The following SCML4 variants were observed in gnomAD, a reference collection of about 807,000 sequenced individuals.
SCML4 encodes sex comb on midleg-like protein 4.
In SCML4, 34 loss-of-function variants were observed where a neutral mutation model predicts 41.1. The observed-to-expected ratio is 0.83, with a 90% CI of 0.63 to 1.10. The LOEUF is 1.10. Among genes scored for constraint, SCML4 ranks in the 50% least tolerant of loss-of-function variants. SCML4 has a pLI of 0.00. For missense variants in SCML4, 522 were observed against 534.1 expected (o/e 0.98, Z 0.22); for synonymous variants, 214 against 220.9 (o/e 0.97, Z 0.28).
the SCML4 span, among the ~76,000 whole-genome samples, chr6:107,841,012 G>C: frequency 6.6e-6 from 1 of 152,032 alleles, no homozygotes. Context: ...TATGATTTTT[G>C]TGATGATATC....
At chr6:107,729,263 C>T (rs760663093) in intron 5 of SCML4, among the ~76,000 whole-genome samples, 3 of 152,252 alleles carry the variant, frequency 2.0e-5, no homozygotes, top group African/African-American at 7.2e-5. Flanking sequence ...CCTCTCAGGA[C>T]TCTAGGGGAG....
chr6:107,799,913 T>G (rs913266011), intron 1 of SCML4, among the ~76,000 whole-genome samples: 3 of 152,118 alleles, frequency 2.0e-5, no homozygotes, highest in Non-Finnish European at 2.9e-5. Context: ...ATAGTTGTTT[T>G]AAAGCCCATT....
At chr6:107,752,763 C>T (rs918009139) in intron 2 of SCML4, among the ~76,000 whole-genome samples, 1 of 152,048 alleles carries the variant, frequency 6.6e-6, no homozygotes, top group Non-Finnish European at 1.5e-5. Context: ...TAAATCTTTG[C>T]CCTCGTGGAA....
chr6:107,845,846 C>A, the SCML4 span, among the ~76,000 whole-genome samples: 1 of 152,220 alleles, frequency 6.6e-6, no homozygotes, highest in Non-Finnish European at 1.5e-5. Flanking sequence ...ATGCTGGGCC[C>A]TTGTTTCTTT....
chr6:107,761,468 GCT>G (rs1779587908), intron 2 of SCML4, among the ~76,000 whole-genome samples: 1 of 148,886 alleles, frequency 6.7e-6, no homozygotes. Flanking sequence ...ACAGAGTCTT[GCT>G]CTGTCACCCG....
At chr6:107,707,170 G>A (rs1485408177) in intron 7 of SCML4, among the ~76,000 whole-genome samples, 2 of 150,170 alleles carry the variant, frequency 1.3e-5, no homozygotes, top group East Asian at 4.0e-4. Flanking sequence ...GCGTGGTGGT[G>A]GGTGCCTGTA....
intron 2 of SCML4, among the ~76,000 whole-genome samples, chr6:107,770,983 AAGAG>A (rs1348727525): frequency 6.6e-6 from 1 of 152,200 alleles, no homozygotes; most frequent in Non-Finnish European, 1.5e-5. Context: ...ACGCCAGCTT[AAGAG>A]AGAGTTCTAA....
At chr6:107,826,803 C>T (rs1228666562), upstream of SCML4, among the ~76,000 whole-genome samples, 1 of 152,198 alleles carries the variant, frequency 6.6e-6, no homozygotes, top group Non-Finnish European at 1.5e-5. Context: ...GTGGCTCACG[C>T]CTGTAATCCC....
At chr6:107,774,856 T>A (rs982184778) in intron 1 of SCML4, among the ~76,000 whole-genome samples, 5 of 151,880 alleles carry the variant, frequency 3.3e-5, no homozygotes, top group African/African-American at 1.2e-4. Flanking sequence ...ACCCCGTCTC[T>A]ACTAAAAACA....
At chr6:107,752,420 A>C (rs1778772507) in intron 2 of SCML4, among the ~76,000 whole-genome samples, 1 of 152,114 alleles carries the variant, frequency 6.6e-6, no homozygotes, top group South Asian at 2.1e-4. Context: ...GGTATGTCAG[A>C]CCATAATAAT....
At chr6:107,833,866 G>A in the SCML4 span, among the ~76,000 whole-genome samples, 1 of 152,206 alleles carries the variant, frequency 6.6e-6, no homozygotes, top group Non-Finnish European at 1.5e-5. Flanking sequence ...ACCCCGTTGT[G>A]CTTCAGCTCC....
intron 5 of SCML4, among the ~76,000 whole-genome samples, chr6:107,727,090 C>T (rs1776059910): frequency 6.6e-6 from 1 of 152,158 alleles, no homozygotes; most frequent in African/African-American, 2.4e-5. Context: ...GAATGAAGTA[C>T]TGATATCTGT....
At chr6:107,759,985 C>A (rs896679485) in intron 2 of SCML4, among the ~76,000 whole-genome samples, 1 of 152,174 alleles carries the variant, frequency 6.6e-6, no homozygotes, top group African/African-American at 2.4e-5. Flanking sequence ...ACTCACTCAG[C>A]TCCTCTAAGC....
chr6:107,766,949 AT>A (rs35794596), intron 2 of SCML4, among the ~76,000 whole-genome samples: 1,458 of 136,304 alleles, frequency 0.011, 6 homozygotes, highest in Middle Eastern at 0.02. Flanking sequence ...CTATTAAGCT[AT>A]TTTTTTTTTT....
intron 4 of SCML4, chr6:107,746,423 A>G: frequency 2.3e-6 from 1 of 431,706 alleles, no homozygotes; most frequent in Non-Finnish European, 4.1e-6. Flanking sequence ...AAAAAAAGCA[A>G]AAACCGGTGA....
intron 1 of SCML4, among the ~76,000 whole-genome samples, chr6:107,778,800 C>G (rs578218071): frequency 6.6e-6 from 1 of 152,356 alleles, no homozygotes; most frequent in Admixed American, 6.5e-5. Context: ...TTTACTCATT[C>G]ATTTACTAAT....
At chr6:107,777,524 T>A (rs549618818) in intron 1 of SCML4, among the ~76,000 whole-genome samples, 1 of 152,350 alleles carries the variant, frequency 6.6e-6, no homozygotes, top group South Asian at 2.1e-4. Context: ...AAATTTTTGC[T>A]TCCTGGAATG....
the SCML4 span, among the ~76,000 whole-genome samples, chr6:107,831,003 A>C: frequency 6.6e-6 from 1 of 152,188 alleles, no homozygotes; most frequent in Non-Finnish European, 1.5e-5. Context: ...AGAATTAGCA[A>C]ATGTGAGTCT....
the SCML4 span, among the ~76,000 whole-genome samples, chr6:107,837,905 C>CTTT: frequency 8.7e-6 from 1 of 115,316 alleles, no homozygotes; most frequent in Non-Finnish European, 1.8e-5. Context: ...TTATGATTTT[C>CTTT]TTTTTTTTTT....
Sources: allele counts gnomAD v4.1 joint callset (sites outside exome capture counted in the v4.1 genomes callset), GRCh38; gene constraint gnomAD v4.1.1; transcripts MANE v1.5; gene names NCBI Gene and HGNC (gene_info 2026-07-23, HGNC 2026-07-21).